The following EFR3B variants were observed in gnomAD, a reference collection of about 807,000 sequenced individuals.
EFR3B encodes EFR3 homolog B, also known as protein EFR3 homolog B.
A neutral mutation model predicts 104.7 loss-of-function variants in EFR3B; 64 were observed. The observed-to-expected ratio is 0.61, with a 90% confidence interval of 0.50 to 0.75. EFR3B has a LOEUF of 0.75. Ranked by LOEUF, EFR3B falls within the 30% of genes least tolerant of loss-of-function variation. EFR3B has a pLI of 0.00. For synonymous variants in EFR3B, 385 were observed against 417.9 expected, an observed-to-expected ratio of 0.92 and a Z score of 0.96; for missense variants, 750 against 1,078.5, an observed-to-expected ratio of 0.70 and a Z score of 4.27.
chr2:25,074,620 CT>C (rs771237285), intron 1 of EFR3B, among the ~76,000 whole-genome samples: 426 of 143,876 alleles, frequency 3.0e-3, no homozygotes, highest in Admixed American at 3.0e-3. Flanking sequence ...TATCTGCCAA[CT>C]TTTTTTTTTT....
At chr2:25,099,476 T>C (rs1478370230) in intron 3 of EFR3B, among the ~76,000 whole-genome samples, 1 of 151,766 alleles carries the variant, frequency 6.6e-6, no homozygotes, top group Non-Finnish European at 1.5e-5. Flanking sequence ...TATTTGATAA[T>C]ACTTTTATTT....
At chr2:25,125,343 G>A (rs755836617) in intron 5 of EFR3B, among the ~76,000 whole-genome samples, 8 of 152,218 alleles carry the variant, frequency 5.3e-5, no homozygotes, top group Non-Finnish European at 1.0e-4. Flanking sequence ...CGGGACAAAC[G>A]AGTCCAGCAT....
intron 12 of EFR3B, 88 bp downstream of exon 12, chr2:25,133,522 G>C: frequency 7.6e-7 from 1 of 1,317,986 alleles, no homozygotes; most frequent in Non-Finnish European, 1.1e-6. Context: ...ACATACAGTC[G>C]TGCATGTGGC....
chr2:25,050,140 AAAAT>A (rs1210809454), intron 1 of EFR3B, among the ~76,000 whole-genome samples: 1 of 151,982 alleles, frequency 6.6e-6, no homozygotes, highest in Non-Finnish European at 1.5e-5. Flanking sequence ...GAAAAAAAAA[AAAAT>A]AGATAAGGAG....
intron 4 of EFR3B, among the ~76,000 whole-genome samples, chr2:25,104,869 C>T (rs1270956096): frequency 1.3e-5 from 2 of 152,222 alleles, no homozygotes; most frequent in African/African-American, 2.4e-5. Context: ...GTGCAAATGG[C>T]TGCGGTCGTG....
chr2:25,115,343 C>T (rs752486181), intron 4 of EFR3B, among the ~76,000 whole-genome samples: 1 of 152,146 alleles, frequency 6.6e-6, no homozygotes, highest in East Asian at 1.9e-4. Flanking sequence ...TAAGATCATG[C>T]GACCCAGTGT....
At chr2:25,068,837 G>A (rs762810358) in intron 1 of EFR3B, among the ~76,000 whole-genome samples, 12 of 151,758 alleles carry the variant, frequency 7.9e-5, no homozygotes, top group Non-Finnish European at 1.3e-4. Context: ...CACCGTGTTA[G>A]CCAGGATGGT....
intron 1 of EFR3B, among the ~76,000 whole-genome samples, chr2:25,066,742 A>G (rs1207311209): frequency 6.6e-6 from 1 of 152,162 alleles, no homozygotes; most frequent in Non-Finnish European, 1.5e-5. Flanking sequence ...TACTATGTCT[A>G]ATGCACTTGA....
At chr2:25,153,575 C>T (rs975980174) in intron 21 of EFR3B, 137 bp from the exon 22 acceptor site, 4 of 793,064 alleles carry the variant, frequency 5.0e-6, no homozygotes, top group African/African-American at 3.4e-5. Context: ...AGTGCTGGAG[C>T]GTGTTCACCT....
rs533788347 is a variant in EFR3B, at chr2:25,047,955, A to G, written c.7+5636A>G. 1.9e-4 allele frequency among the ~76,000 whole-genome samples: 29 copies of G among 152,372 alleles called. No homozygotes were observed. The East Asian group carries it at 4.8e-3, about 25-fold the overall frequency. The stretch of plus-strand genomic sequence containing the variant: ...GAAAATCTAGAAAATACAGTAAACT[A>G]TAAACAATATAACATTTACTGCTCT... On this transcript the variant is annotated intron_variant, in intron 1 of 22. Transcript: ENST00000403714.
intron 1 of EFR3B, among the ~76,000 whole-genome samples, chr2:25,054,669 A>G (rs926570827): frequency 6.6e-6 from 1 of 152,162 alleles, no homozygotes; most frequent in African/African-American, 2.4e-5. Flanking sequence ...GAAAGTGACA[A>G]TCCCTGCATA....
chr2:25,042,437 C>G lies in EFR3B; in HGVS notation c.7+118C>G. 8.2e-7 allele frequency: 1 copy of G among 1,214,526 alleles called. No homozygotes were observed. Among genetic ancestry groups the G allele is most frequent in the Non-Finnish European group, 1.0e-6 (1 of 976,858 alleles). 75.2% of individuals were successfully genotyped at this position (1,214,526 alleles called of 1,614,324 possible). A position where few individuals can be genotyped will look rare whatever the true frequency, so the allele number is the denominator to read the frequency against. On this transcript the variant is annotated intron_variant, in intron 1 of 22. Transcript: ENST00000403714. The surrounding 1 kb of genome is among the most constrained non-coding windows in gnomAD (Gnocchi z 5.4). ...GCGGGGCCAGGCCGCTGACCTGGTGCCCGGCGGGGCTGTTGCGGTCGCTCT... is the reference window on the plus strand; with the variant it reads ...GCGGGGCCAGGCCGCTGACCTGGTGGCCGGCGGGGCTGTTGCGGTCGCTCT...
chr2:25,071,416 A>G (rs1478197329), intron 1 of EFR3B, among the ~76,000 whole-genome samples: 2 of 149,598 alleles, frequency 1.3e-5, no homozygotes, highest in Non-Finnish European at 3.0e-5. Flanking sequence ...TCACGCCACC[A>G]CACCTGGCTA....
intron 12 of EFR3B, among the ~76,000 whole-genome samples, chr2:25,134,273 A>C (rs1482633279): frequency 6.6e-6 from 1 of 150,684 alleles, no homozygotes; most frequent in Non-Finnish European, 1.5e-5. Flanking sequence ...TTCGCCTCCC[A>C]GGTTCAAGTG....
intron 1 of EFR3B, among the ~76,000 whole-genome samples, chr2:25,051,335 G>A (rs904400301): frequency 4.0e-5 from 6 of 151,816 alleles, no homozygotes; most frequent in African/African-American, 1.5e-4. Context: ...GGCGGGTCTC[G>A]ACCTCCTGAC....
At chr2:25,141,463 G>T (rs1670664170) in intron 17 of EFR3B, 30 bp downstream of exon 17, 1 of 1,549,656 alleles carries the variant, frequency 6.5e-7, no homozygotes. Context: ...CGTGGTCAGG[G>T]ATCCCCAGGG....
At chr2:25,068,699 G>A (rs1450147364) in intron 1 of EFR3B, among the ~76,000 whole-genome samples, 2 of 149,866 alleles carry the variant, frequency 1.3e-5, no homozygotes, top group Non-Finnish European at 3.0e-5. Flanking sequence ...GCGCGATCTC[G>A]GCTCACTGCA....
At position 25,042,337 on chromosome 2, in the gene EFR3B, C is replaced by T; in HGVS notation, c.7+18C>T. ...GATGTACGGTAAGGAGGGCTCCGCG[C>T]CCGGGCCCGGGCCCGCGGGGGCGAC... On this transcript the variant is annotated intron_variant, in intron 1 of 22. Transcript: ENST00000403714. This position sits in a 1 kb window ranked among gnomAD's most constrained non-coding sequence, Gnocchi z 5.4. The T allele has an allele frequency of 3.2e-6, 4 of 1,259,460 alleles. No homozygotes were observed. The highest frequency in any genetic ancestry group is 4.0e-6 in the Non-Finnish European group (4 of 1,000,964). 78.0% of individuals were successfully genotyped at this position (1,259,460 alleles called of 1,614,324 possible). A position where few individuals can be genotyped will look rare whatever the true frequency, so the allele number is the denominator to read the frequency against.
chr2:25,052,783 A>G (rs769344484), intron 1 of EFR3B, among the ~76,000 whole-genome samples: 9 of 151,860 alleles, frequency 5.9e-5, no homozygotes, highest in East Asian at 3.9e-4. Flanking sequence ...GATTACAGGC[A>G]TGAGCCACTT....
Sources: allele counts gnomAD v4.1 joint callset (sites outside exome capture counted in the v4.1 genomes callset), GRCh38; gene constraint gnomAD v4.1.1; non-coding constraint Gnocchi (gnomAD v3.1); transcripts MANE v1.5; gene names NCBI Gene and HGNC (gene_info 2026-07-23, HGNC 2026-07-21).